MAGI2: variants seen among roughly 807,000 people sequenced by gnomAD.
MAGI2 encodes the protein membrane-associated guanylate kinase, WW and PDZ domain-containing protein 2.
MAGI2 carries 35 observed loss-of-function variants against 133.3 expected under a neutral mutation model. The ratio of observed to expected loss-of-function variants is 0.26; its 90% confidence interval spans 0.20 to 0.35. The LOEUF is 0.35. MAGI2 is among the 10% of genes least tolerant of loss of function. MAGI2 has a pLI of 1.00. For missense variants in MAGI2, 1,636 were observed against 1,863.4 expected (o/e 0.88, Z 2.25); for synonymous variants, 729 against 710.6 (o/e 1.03, Z -0.41).
At position 78,377,889 on chromosome 7, in the gene MAGI2, T is replaced by C. The variant is rs566892064; in HGVS notation, c.1046-8676A>G. Among the ~76,000 whole-genome samples the C allele has an allele frequency of 2.0e-5, 3 of 149,488 alleles. No individual in the cohort carries two copies. In the South Asian group the frequency reaches 6.3e-4, roughly 31 times the overall value. ...CTATAAGAAAATAATCAGAAAATGA[T>C]AGCCAAAACAATTCAGCTAATGAAA... On this transcript the variant is annotated intron_variant, in intron 6 of 21. Transcript: ENST00000354212.
intron 2 of MAGI2, among the ~76,000 whole-genome samples, chr7:78,761,418 A>G (rs115615174): frequency 0.016 from 2,415 of 152,214 alleles, 75 homozygotes; most frequent in African/African-American, 0.055. Context: ...CCAAACATCA[A>G]TGAAGAATTG....
chr7:79,045,147 T>C (rs191987566), intron 1 of MAGI2, among the ~76,000 whole-genome samples: 2 of 152,324 alleles, frequency 1.3e-5, no homozygotes, highest in East Asian at 3.9e-4. Flanking sequence ...GTATCAACTG[T>C]ATGATATCAT....
In MAGI2 at chr7:79,420,212, G is replaced by A. The variant is rs913674255; in HGVS notation, c.301+32808C>T. Among the ~76,000 whole-genome samples the A allele has an allele frequency of 8.5e-5, 13 of 152,114 alleles. 1 individual carries two copies. The South Asian group carries it at 2.1e-3, about 24-fold the overall frequency. On this transcript the variant is annotated intron_variant, in intron 1 of 21. Transcript: ENST00000354212. ...AACTGCATTATGAAATAATACAAAG[G>A]GGGAATAGGTTGCACATGTTCACAC...
chr7:78,341,062 C>T (rs1484547925), intron 9 of MAGI2, among the ~76,000 whole-genome samples: 2 of 152,130 alleles, frequency 1.3e-5, no homozygotes, highest in East Asian at 3.9e-4. Flanking sequence ...AAAACCCCAT[C>T]GTCTCAGCCC....
intron 16 of MAGI2, among the ~76,000 whole-genome samples, chr7:78,152,853 C>G (rs554447110): frequency 6.6e-6 from 1 of 152,288 alleles, no homozygotes; most frequent in Admixed American, 6.5e-5. Flanking sequence ...TCAGCATAAT[C>G]AAAGCCCACA....
chr7:78,716,525 C>T (rs1178415446), intron 2 of MAGI2, among the ~76,000 whole-genome samples: 1 of 152,044 alleles, frequency 6.6e-6, no homozygotes, highest in Admixed American at 6.5e-5. Context: ...GGCAGAGTGG[C>T]CTTTAGAGGG....
chr7:78,596,453 C>T (rs1289330954), intron 3 of MAGI2, among the ~76,000 whole-genome samples: 2 of 152,104 alleles, frequency 1.3e-5, no homozygotes, highest in African/African-American at 2.4e-5. Flanking sequence ...CAAAATATAA[C>T]GTGGTGAGTG....
chr7:78,756,500 T>G (rs1823960884), intron 2 of MAGI2, among the ~76,000 whole-genome samples: 1 of 152,212 alleles, frequency 6.6e-6, no homozygotes, highest in African/African-American at 2.4e-5. Context: ...ATTTTGCCAG[T>G]TGTTCAGAGA....
At chr7:78,962,662 T>C (rs1186118646) in intron 2 of MAGI2, among the ~76,000 whole-genome samples, 6 of 151,946 alleles carry the variant, frequency 3.9e-5, no homozygotes, top group African/African-American at 1.4e-4. Flanking sequence ...GATCTAATAA[T>C]TTCTGGATAA....
chr7:78,835,955 G>A (rs568767013), intron 2 of MAGI2, among the ~76,000 whole-genome samples: 4 of 152,230 alleles, frequency 2.6e-5, no homozygotes, highest in South Asian at 4.1e-4. Flanking sequence ...TCTGCAATCC[G>A]ACAGCACCCA....
At chr7:78,363,963 G>A (rs567767008) in intron 7 of MAGI2, among the ~76,000 whole-genome samples, 1 of 152,298 alleles carries the variant, frequency 6.6e-6, no homozygotes, top group African/African-American at 2.4e-5. Flanking sequence ...TGGCATGCAC[G>A]AAGTGCACAA....
chr7:78,854,808 C>T (rs1793481535), intron 2 of MAGI2, among the ~76,000 whole-genome samples: 1 of 152,012 alleles, frequency 6.6e-6, no homozygotes, highest in Non-Finnish European at 1.5e-5. Context: ...TTCAGTAAAA[C>T]ATGTTTAAGC....
chr7:78,812,690 G>A (rs1008871805), intron 2 of MAGI2, among the ~76,000 whole-genome samples: 12 of 152,022 alleles, frequency 7.9e-5, no homozygotes, highest in African/African-American at 2.9e-4. Flanking sequence ...TTTCAATATA[G>A]TGATTGTTCT....
chr7:78,065,733 T>C, intron 21 of MAGI2: 1 of 556,390 alleles, frequency 1.8e-6, no homozygotes, highest in Non-Finnish European at 3.2e-6. Flanking sequence ...AGATATATTA[T>C]TACTGTTAGA....
chr7:78,882,272 T>A (rs998825125), intron 2 of MAGI2, among the ~76,000 whole-genome samples: 11 of 151,050 alleles, frequency 7.3e-5, no homozygotes, highest in Non-Finnish European at 1.3e-4. Flanking sequence ...CTAGAGGAAA[T>A]GAATAAATTC....
intron 2 of MAGI2, among the ~76,000 whole-genome samples, chr7:78,884,777 CT>C (rs1415742022): frequency 6.6e-6 from 1 of 150,900 alleles, no homozygotes; most frequent in East Asian, 1.9e-4. Context: ...TCTCAAAGAA[CT>C]AAAAAAGATC....
intron 2 of MAGI2, among the ~76,000 whole-genome samples, chr7:78,746,374 C>G (rs1447100846): frequency 1.3e-5 from 2 of 152,162 alleles, no homozygotes; most frequent in Non-Finnish European, 2.9e-5. Flanking sequence ...TCTAAGCTCC[C>G]TCTCAAGCTC....
At chr7:78,520,907 C>T (rs139542045) in intron 4 of MAGI2, among the ~76,000 whole-genome samples, 3 of 152,044 alleles carry the variant, frequency 2.0e-5, no homozygotes, top group Admixed American at 2.0e-4. Flanking sequence ...GAAAAAGAAA[C>T]AAATATATGG....
intron 1 of MAGI2, chr7:79,172,803 C>A (rs1280329750): frequency 6.6e-6 from 1 of 151,934 alleles, no homozygotes; most frequent in South Asian, 2.1e-4. Context: ...TCCAGAAGCT[C>A]TAGCCAATGG....
Sources: gnomAD v4.1 joint callset for allele counts (sites outside exome capture counted in the v4.1 genomes callset) on GRCh38, gnomAD v4.1.1 for gene constraint, MANE v1.5 for transcripts, NCBI Gene and HGNC (gene_info 2026-07-23, HGNC 2026-07-21) for gene names.